Variants in BMPR2 observed in about 807,000 individuals in gnomAD.
BMPR2 encodes the protein bone morphogenetic protein receptor type-2.
Under a neutral mutation model 100.8 loss-of-function variants are expected in BMPR2, and 29 were observed. The observed-to-expected ratio is 0.29, with a 90% CI of 0.21 to 0.39. The LOEUF (loss-of-function observed/expected upper bound fraction) is 0.39, where lower values mean the gene tolerates loss of function less well. BMPR2 is among the 10% of genes least tolerant of loss of function. The pLI, the probability that BMPR2 is intolerant of heterozygous loss-of-function variation, is 1.00. For synonymous variants in BMPR2, 382 were observed against 442.3 expected (o/e 0.86, Z 1.71); for missense variants, 1,011 against 1,274.5 (o/e 0.79, Z 3.15).
chr2:202,468,273 T>G (rs1692365379), intron 3 of BMPR2, among the ~76,000 whole-genome samples: 1 of 152,100 alleles, frequency 6.6e-6, no homozygotes, highest in Non-Finnish European at 1.5e-5. Context: ...GCCCAGGAAC[T>G]GAAGACCAGC....
chr2:202,483,034 T>TTGTTATTTTTTTTAAATAGTCG lies in BMPR2; in HGVS notation c.418+15346_418+15367dup, dbSNP rs1253512984. On this transcript the variant is annotated intron_variant, in intron 3 of 12. Coordinates refer to ENST00000374580, the MANE Select transcript of BMPR2 (RefSeq NM_001204.7). ...AGTTTCTTCACCTTCTTGCCGTCAC[T>TTGTTATTTTTTTTAAATAGTCG]TGTTATTTTTTTTAAATAGTCGCTG... 6.6e-5 allele frequency among the ~76,000 whole-genome samples: 10 copies of TTGTTATTTTTTTTAAATAGTCG among 150,600 alleles called. No homozygotes were observed. The East Asian group carries it at 1.7e-3, about 26-fold the overall frequency.
intron 1 of BMPR2, among the ~76,000 whole-genome samples, chr2:202,446,253 G>T (rs1337217726): frequency 6.7e-6 from 1 of 150,118 alleles, no homozygotes; most frequent in South Asian, 2.1e-4. Context: ...CACAAAATTA[G>T]CTGGGCATGG....
chr2:202,487,827 C>T (rs1236046745), intron 3 of BMPR2, among the ~76,000 whole-genome samples: 3 of 152,136 alleles, frequency 2.0e-5, no homozygotes, highest in African/African-American at 7.2e-5. Context: ...TTGTTGGCCC[C>T]ACCCTCAAGA....
chr2:202,539,738 A>G (rs1457684495), intron 9 of BMPR2, among the ~76,000 whole-genome samples: 1 of 152,104 alleles, frequency 6.6e-6, no homozygotes, highest in East Asian at 1.9e-4. Flanking sequence ...GGAAGAAAGA[A>G]TAAGTGTAAT....
chr2:202,521,761 T>C (rs555234381), intron 7 of BMPR2, among the ~76,000 whole-genome samples: 2 of 152,132 alleles, frequency 1.3e-5, no homozygotes, highest in African/African-American at 4.8e-5. Flanking sequence ...TAGGAAGATA[T>C]GCAACCAAGG....
rs769960839 is a variant in BMPR2 at position 202,530,800 on chromosome 2, A to T, written c.974A>T (p.Tyr325Phe). Reference sequence around the variant, plus strand: ...TTTGAAATTATCCAAACAGATCATTATAAACCTGCAATTTCCCATCGAGAT... The same window carrying T: ...TTTGAAATTATCCAAACAGATCATTTTAAACCTGCAATTTCCCATCGAGAT... ...LHTELPRGDHYKPAISHRDLN... is the reference protein window; with the variant it reads ...LHTELPRGDHFKPAISHRDLN... The change falls in exon 8 of 13, where the codon TAT (tyrosine) becomes TTT (phenylalanine). Residue 325 changes from tyrosine (Y) to phenylalanine (F), a missense_variant. Transcript: ENST00000374580. 4 of 1,611,324 alleles carry T rather than the reference A, an allele frequency of 2.5e-6. No individual in the cohort carries two copies. The South Asian group carries it at 4.4e-5, about 18-fold the overall frequency.
At chr2:202,483,984 C>T (rs1692715735) in intron 3 of BMPR2, among the ~76,000 whole-genome samples, 1 of 152,198 alleles carries the variant, frequency 6.6e-6, no homozygotes, top group African/African-American at 2.4e-5. Flanking sequence ...GTCCTAGCTA[C>T]TCCAGAAGCT....
Position 202,538,861 on chromosome 2 carries a change from C to G in BMPR2, c.1277-3450C>G, listed in dbSNP as rs13411030. ...CAGAAAGATGAGTTAATCCTGGAGA[C>G]TGTTCGATGGGGTATTGACAGACAA... On this transcript the variant is annotated intron_variant, in intron 9 of 12. Transcript: ENST00000374580. Among the ~76,000 whole-genome samples the G allele has an allele frequency of 2.3e-3, 341 of 149,126 alleles. 2 individuals carry two copies. Among genetic ancestry groups the G allele is most frequent in the African/African-American group, 7.9e-3 (319 of 40,418 alleles).
intron 3 of BMPR2, among the ~76,000 whole-genome samples, chr2:202,479,177 C>T (rs896910796): frequency 1.3e-5 from 2 of 152,154 alleles, no homozygotes; most frequent in African/African-American, 4.8e-5. Flanking sequence ...CTCTCTGGCT[C>T]TTCTTTTGTG....
chr2:202,539,787 G>A (rs2106028685), intron 9 of BMPR2, among the ~76,000 whole-genome samples: 1 of 152,220 alleles, frequency 6.6e-6, no homozygotes, highest in South Asian at 2.1e-4. Context: ...AACTGGTAGA[G>A]ACATAGTTAA....
In BMPR2 at chr2:202,376,828, C is replaced by T. The variant is rs1690157187; in HGVS notation, c.-647C>T. The stretch of plus-strand genomic sequence containing the variant: ...TTCGCCAGGGCCTCCCCAACCCTCT[C>T]ACGGTTGTTCTGCGAAGGCGTGGGG... On this transcript the variant is annotated 5_prime_UTR_variant, in exon 1 of 13. Coordinates refer to ENST00000374580, the MANE Select transcript of BMPR2 (RefSeq NM_001204.7). The T allele has an allele frequency of 2.5e-6, 1 of 403,870 alleles. No individual in the cohort carries two copies. The highest frequency in any genetic ancestry group is 1.3e-4 in the South Asian group (1 of 7,646). The allele number at this position is 403,870 out of a possible 1,614,324, so 25.0% of individuals were successfully genotyped here.
rs1282674764 is a variant in BMPR2 at position 202,532,163 on chromosome 2, G to A, written c.1129-422G>A. On this transcript the variant is annotated intron_variant, in intron 8 of 12. Coordinates refer to ENST00000374580, the MANE Select transcript of BMPR2 (RefSeq NM_001204.7). The surrounding 1 kb of genome is among the most constrained non-coding windows in gnomAD (Gnocchi z 4.1). ...TCACTGTGTTAGCCAGGATGGTCTC[G>A]ATCTCCTGACCTTGAGATCCACCCG... Among the ~76,000 whole-genome samples, 3 of 147,038 alleles carry A rather than the reference G, an allele frequency of 2.0e-5. No homozygotes were observed. In the Admixed American group the frequency reaches 2.0e-4, roughly 10 times the overall value.
rs541076930 is a variant in BMPR2, at chr2:202,548,039, T to C, written c.1414-4677T>C. Among the ~76,000 whole-genome samples the C allele has an allele frequency of 1.2e-4, 18 of 151,996 alleles. No individual in the cohort carries two copies. The East Asian group carries it at 3.5e-3, about 29-fold the overall frequency. On this transcript the variant is annotated intron_variant, in intron 10 of 12. Transcript: ENST00000374580. ...GGTGGAGATTGCAGTGAGCCGAGAT[T>C]GCACCACTGCACTCCAGCCTGAGCA...
chr2:202,483,963 G>A (rs953443781), intron 3 of BMPR2, among the ~76,000 whole-genome samples: 2 of 152,164 alleles, frequency 1.3e-5, no homozygotes, highest in Non-Finnish European at 2.9e-5. Context: ...GCATAGTGGT[G>A]CACACCTATA....
intron 7 of BMPR2, among the ~76,000 whole-genome samples, chr2:202,528,149 T>C (rs1275475973): frequency 1.3e-5 from 2 of 152,032 alleles, no homozygotes; most frequent in African/African-American, 2.4e-5. Flanking sequence ...ATCATGCCAC[T>C]GCACTCCAGC....
intron 8 of BMPR2, among the ~76,000 whole-genome samples, chr2:202,531,213 G>A (rs997020248): frequency 6.6e-6 from 1 of 152,196 alleles, no homozygotes; most frequent in African/African-American, 2.4e-5. Flanking sequence ...TGAGGCAAGA[G>A]AATCGCTTGA....
At chr2:202,399,729 A>G (rs1489171231) in intron 1 of BMPR2, among the ~76,000 whole-genome samples, 3 of 152,182 alleles carry the variant, frequency 2.0e-5, no homozygotes, top group Non-Finnish European at 4.4e-5. Flanking sequence ...TTTTTCCTCT[A>G]GTACTGTCAA....
At position 202,559,961 on chromosome 2, in the gene BMPR2, T is replaced by C. The variant is rs1244210964; in HGVS notation, c.*15T>C. 1 of 1,613,780 alleles carries C rather than the reference T, an allele frequency of 6.2e-7. No homozygotes were observed. The highest frequency in any genetic ancestry group is 8.5e-7 in the Non-Finnish European group (1 of 1,179,992). On this transcript the variant is annotated 3_prime_UTR_variant, in exon 13 of 13. Coordinates refer to ENST00000374580, the MANE Select transcript of BMPR2 (RefSeq NM_001204.7). The stretch of plus-strand genomic sequence containing the variant: ...ACTGTCTGTGAAATGTTTTCAAGCC[T>C]ATGGAGTGAAATTATTTTTTGCATC...
intron 5 of BMPR2, among the ~76,000 whole-genome samples, chr2:202,518,059 C>G (rs1292374727): frequency 7.0e-6 from 1 of 143,024 alleles, no homozygotes; most frequent in Non-Finnish European, 1.5e-5. Context: ...ATCTCCTGAC[C>G]TCATGATCCA....
Sources: gnomAD v4.1 joint callset for allele counts (sites outside exome capture counted in the v4.1 genomes callset) on GRCh38, gnomAD v4.1.1 for gene constraint, Gnocchi (gnomAD v3.1) non-coding constraint, MANE v1.5 for transcripts, NCBI Gene and HGNC (gene_info 2026-07-23, HGNC 2026-07-21) for gene names.